The following GALNT14 variants were observed in gnomAD, a reference collection of about 807,000 sequenced individuals.
GALNT14 encodes the protein UDP-GalNAc:polypeptide N-acetylgalactosaminyltransferase 14.
In GALNT14, 60 loss-of-function variants were observed where a neutral mutation model predicts 77.5. The observed-to-expected ratio is 0.77, with a 90% CI of 0.63 to 0.96. The LOEUF (loss-of-function observed/expected upper bound fraction) is 0.96. Ranked by LOEUF, GALNT14 falls within the 40% of genes least tolerant of loss-of-function variation. The pLI is 0.00. For synonymous variants in GALNT14, 280 were observed against 281.7 expected, an observed-to-expected ratio of 0.99 and a Z score of 0.06; for missense variants, 710 against 731.0, an observed-to-expected ratio of 0.97 and a Z score of 0.33.
At chr2:30,917,857 G>A (rs1664776478) in intron 13 of GALNT14, among the ~76,000 whole-genome samples, 1 of 152,164 alleles carries the variant, frequency 6.6e-6, no homozygotes, top group African/African-American at 2.4e-5. Context: ...AGTCCATACT[G>A]GGTACCTCCA....
chr2:31,054,521 C>A (rs60263452), intron 1 of GALNT14, among the ~76,000 whole-genome samples: 3 of 152,168 alleles, frequency 2.0e-5, no homozygotes, highest in Admixed American at 1.3e-4. Flanking sequence ...TCATATTCAA[C>A]CCCAGAACCC....
chr2:30,956,029 G>A (rs1667349955), intron 4 of GALNT14, 52 bp from the exon 5 acceptor site: 2 of 1,581,334 alleles, frequency 1.3e-6, no homozygotes. Flanking sequence ...GGACCTACGT[G>A]TTACAATTGT....
downstream of GALNT14, among the ~76,000 whole-genome samples, chr2:30,905,496 C>T (rs991970700): frequency 7.9e-5 from 12 of 151,492 alleles, no homozygotes; most frequent in East Asian, 1.9e-4. Context: ...TGAAGCGAGA[C>T]GGCAAGTTTA....
intron 1 of GALNT14, among the ~76,000 whole-genome samples, chr2:31,037,496 A>G (rs146906753): frequency 2.6e-5 from 4 of 152,212 alleles, no homozygotes; most frequent in Non-Finnish European, 1.5e-5. Context: ...GTAAGCTTCC[A>G]TATGGACAGT....
intron 1 of GALNT14, among the ~76,000 whole-genome samples, chr2:31,039,687 T>C (rs1273301607): frequency 6.6e-6 from 1 of 152,206 alleles, no homozygotes; most frequent in Non-Finnish European, 1.5e-5. Flanking sequence ...AAGATCTCTT[T>C]TTTTTTCTTT....
intron 1 of GALNT14, among the ~76,000 whole-genome samples, chr2:31,056,666 T>C (rs1488656447): frequency 6.6e-6 from 1 of 152,168 alleles, no homozygotes; most frequent in African/African-American, 2.4e-5. Context: ...ACAAGATGCA[T>C]AGTATTATAA....
At chr2:30,944,238 C>G (rs573837843) in intron 8 of GALNT14, among the ~76,000 whole-genome samples, 31 of 152,296 alleles carry the variant, frequency 2.0e-4, no homozygotes, top group Middle Eastern at 3.4e-3. Context: ...ATGCTCTACT[C>G]TACCCCAAGC....
At chr2:31,129,814 CTTA>C (rs771670899) in intron 1 of GALNT14, among the ~76,000 whole-genome samples, 6 of 152,158 alleles carry the variant, frequency 3.9e-5, no homozygotes, top group Non-Finnish European at 7.3e-5. Context: ...GAAGAAAATC[CTTA>C]TTTCCAAACC....
intron 1 of GALNT14, among the ~76,000 whole-genome samples, chr2:31,096,732 C>T (rs1677021080): frequency 6.6e-6 from 1 of 152,134 alleles, no homozygotes; most frequent in East Asian, 1.9e-4. Flanking sequence ...TCTGATAATA[C>T]ATGCCCTAAA....
chr2:31,085,039 A>T (rs973654863), intron 1 of GALNT14, among the ~76,000 whole-genome samples: 2 of 146,316 alleles, frequency 1.4e-5, no homozygotes, highest in African/African-American at 2.6e-5. Flanking sequence ...AAAAAAAAAA[A>T]GTAACATGTG....
At chr2:31,108,917 A>G (rs1333307550) in intron 1 of GALNT14, among the ~76,000 whole-genome samples, 1 of 152,214 alleles carries the variant, frequency 6.6e-6, no homozygotes, top group East Asian at 1.9e-4. Context: ...GGTTCTAAGT[A>G]AGTTCTGCCA....
chr2:30,898,950 G>T, the GALNT14 span, among the ~76,000 whole-genome samples: 1 of 152,184 alleles, frequency 6.6e-6, no homozygotes, highest in African/African-American at 2.4e-5. Context: ...GTAGAATGGA[G>T]GGGCGCTATT....
At chr2:30,924,349 G>T in intron 12 of GALNT14, 86 bp from the exon 13 acceptor site, 1 of 1,406,092 alleles carries the variant, frequency 7.1e-7, no homozygotes, top group Non-Finnish European at 1.0e-6. Context: ...GCAGTGTTCT[G>T]AGAATGGCAG....
intron 14 of GALNT14, 67 bp downstream of exon 14, chr2:30,912,156 A>C: frequency 6.3e-7 from 1 of 1,588,150 alleles, no homozygotes; most frequent in Non-Finnish European, 8.6e-7. Context: ...TGCTCATCAG[A>C]CTAAGCCCTC....
At chr2:30,965,031 G>A (rs897370833) in intron 3 of GALNT14, among the ~76,000 whole-genome samples, 1 of 152,196 alleles carries the variant, frequency 6.6e-6, no homozygotes, top group African/African-American at 2.4e-5. Context: ...CAGCAGGACA[G>A]GAAGGGTCTA....
chr2:30,907,039 C>A (rs965449926), downstream of GALNT14, among the ~76,000 whole-genome samples: 5 of 152,298 alleles, frequency 3.3e-5, no homozygotes, highest in African/African-American at 1.2e-4. Flanking sequence ...ACACCAGAAT[C>A]TCTGGGACAC....
At position 31,120,012 on chromosome 2, in the gene GALNT14, C is replaced by T. The variant is rs893023771; in HGVS notation, c.129+17946G>A. On this transcript the variant is annotated intron_variant, in intron 1 of 14. Transcript: ENST00000349752. The stretch of plus-strand genomic sequence containing the variant: ...TCTACTAAAAATACAAAAAATTAGC[C>T]GGGCGTGGTAGCGGGCGCCTGTAGT... 2.4e-5 allele frequency among the ~76,000 whole-genome samples: 3 copies of T among 123,636 alleles called. 1 individual carries two copies. The highest frequency in any genetic ancestry group is 1.8e-4 in the Admixed American group (2 of 11,142). 81.1% of individuals were successfully genotyped at this position (123,636 alleles called of 152,430 possible).
chr2:31,079,042 T>C (rs2148580746), intron 1 of GALNT14: 2 of 1,275,618 alleles, frequency 1.6e-6, no homozygotes, highest in South Asian at 1.3e-5. Flanking sequence ...TAGGCTCAGG[T>C]GTCAGCTGCA....
chr2:30,977,475 T>G (rs1668704627), intron 2 of GALNT14, among the ~76,000 whole-genome samples: 1 of 152,190 alleles, frequency 6.6e-6, no homozygotes, highest in African/African-American at 2.4e-5. Flanking sequence ...ATCCCTCACT[T>G]GCTAAAGCAT....
Sources: allele counts gnomAD v4.1 joint callset (sites outside exome capture counted in the v4.1 genomes callset), GRCh38; gene constraint gnomAD v4.1.1; transcripts MANE v1.5; gene names NCBI Gene and HGNC (gene_info 2026-07-23, HGNC 2026-07-21).